MAN1B1: variants seen among roughly 807,000 people sequenced by gnomAD.
MAN1B1 encodes mannosidase alpha class 1B member 1, also known as endoplasmic reticulum mannosyl-oligosaccharide 1,2-alpha-mannosidase.
Under a neutral mutation model 75.5 loss-of-function variants are expected in MAN1B1, and 66 were observed. The observed-to-expected ratio is 0.87, with a 90% CI of 0.72 to 1.07. The LOEUF (loss-of-function observed/expected upper bound fraction) is 1.07, where lower values mean the gene tolerates loss of function less well. Ranked by LOEUF, MAN1B1 falls within the 50% of genes least tolerant of loss-of-function variation. MAN1B1 has a pLI of 0.00. For missense variants in MAN1B1, 973 were observed against 912.5 expected (o/e 1.07, Z -0.85); for synonymous variants, 453 against 382.8 (o/e 1.18, Z -2.14).
chr9:137,087,342 T>G, intron 1 of MAN1B1, 124 bp downstream of exon 1: 2 of 1,127,296 alleles, frequency 1.8e-6, no homozygotes, highest in Non-Finnish European at 2.5e-6. Context: ...TCTCCACCCC[T>G]TCCCCGCAAA....
intron 10 of MAN1B1, 192 bp from the exon 11 acceptor site, chr9:137,107,058 C>T (rs557678808): frequency 7.1e-5 from 54 of 758,972 alleles, no homozygotes; most frequent in Non-Finnish European, 9.4e-5. Flanking sequence ...GGTCCTCGGG[C>T]GGTGTGTGGG....
chr9:137,087,266 C>T lies in MAN1B1; in HGVS notation c.219+48C>T, dbSNP rs138707197. The T allele has an allele frequency of 5.9e-4, 900 of 1,538,434 alleles. 3 individuals carry two copies. The African/African-American group carries it at 0.011, about 19-fold the overall frequency. Reference sequence around the variant, plus strand: ...TGGGGCCCGGGGCTGCCGTGCCCGCCGCCCTCCCAGACTGCGGCTCCGAGC... The same window carrying T: ...TGGGGCCCGGGGCTGCCGTGCCCGCTGCCCTCCCAGACTGCGGCTCCGAGC... On this transcript the variant is annotated intron_variant, in intron 1 of 12. Coordinates refer to ENST00000371589, the MANE Select transcript of MAN1B1 (RefSeq NM_016219.5).
chr9:137,108,121 G>A (rs1831184409), intron 12 of MAN1B1: 4 of 610,838 alleles, frequency 6.5e-6, no homozygotes, highest in Admixed American at 2.9e-5. Flanking sequence ...TGTGCCCTGT[G>A]CCCTGTGCGG....
rs1830386274 is a variant in MAN1B1, at chr9:137,087,072, G to A, written c.73G>A (p.Gly25Ser). 2 of 1,603,294 alleles carry A rather than the reference G, an allele frequency of 1.2e-6. No homozygotes were observed. The highest frequency in any genetic ancestry group is 8.5e-7 in the Non-Finnish European group (1 of 1,176,604). Reference sequence around the variant, plus strand: ...GTCGGACTTCCTGACGCCGCCAGTGGGCGGGGCCCCTTGGGCCGTCGCCAC... The same window carrying A: ...GTCGGACTTCCTGACGCCGCCAGTGAGCGGGGCCCCTTGGGCCGTCGCCAC... ...SQSDFLTPPV[G>S]GAPWAVATTV... The change falls in exon 1 of 13, where the codon GGC (glycine) becomes AGC (serine). Residue 25 changes from glycine (G) to serine (S), a missense_variant. Physicochemically the swap from Gly to Ser is moderately conservative, Grantham distance 56 (BLOSUM62 0). Transcript: ENST00000371589.
rs768434319 is a variant in MAN1B1, at chr9:137,087,032, T to G, written c.33T>G (p.Ala11=). Residue 11 remains alanine (A), a synonymous_variant, in exon 1 of 13, where the codon GCT becomes GCG. Transcript: ENST00000371589. MAACEGRRSG[A]LGSSQSDFLT... ...CCTGCGAGGGCAGGAGAAGCGGAGC[T>G]CTCGGTTCCTCTCAGTCGGACTTCC... 1 of 1,602,436 alleles carries G rather than the reference T, an allele frequency of 6.2e-7. No homozygotes were observed. The highest frequency in any genetic ancestry group is 8.5e-7 in the Non-Finnish European group (1 of 1,176,430).
intron 3 of MAN1B1, chr9:137,094,577 T>C: frequency 6.3e-6 from 1 of 157,680 alleles, no homozygotes; most frequent in Non-Finnish European, 1.4e-5. Flanking sequence ...CCATCTCTAT[T>C]AAAAAAAAAA....
At chr9:137,097,480 A>C (rs1390034026) in intron 4 of MAN1B1, among the ~76,000 whole-genome samples, 1 of 152,104 alleles carries the variant, frequency 6.6e-6, no homozygotes, top group African/African-American at 2.4e-5. Context: ...TCTTGGGGCC[A>C]CCTCACTGTC....
chr9:137,099,373 A>C (rs1014448932), intron 5 of MAN1B1, among the ~76,000 whole-genome samples: 2 of 152,236 alleles, frequency 1.3e-5, no homozygotes, highest in African/African-American at 2.4e-5. Context: ...CTTTGGCCAG[A>C]GGCCACCGAG....
intron 10 of MAN1B1, 42 bp downstream of exon 10, chr9:137,106,851 C>T (rs764246061): frequency 6.2e-6 from 10 of 1,607,310 alleles, no homozygotes; most frequent in East Asian, 2.2e-5. Context: ...GCCCCTTTTA[C>T]CTTGGCTTCC....
At chr9:137,090,016 C>T (rs890030372) in intron 3 of MAN1B1, among the ~76,000 whole-genome samples, 2 of 151,874 alleles carry the variant, frequency 1.3e-5, no homozygotes, top group Non-Finnish European at 2.9e-5. Flanking sequence ...GAAGAAGGGG[C>T]CAGGCCTAGT....
intron 4 of MAN1B1, among the ~76,000 whole-genome samples, chr9:137,097,583 C>T (rs1830686825): frequency 6.6e-6 from 1 of 152,164 alleles, no homozygotes; most frequent in South Asian, 2.1e-4. Flanking sequence ...TCACGATTCT[C>T]CAAGCTCTGG....
chr9:137,105,622 C>A, intron 8 of MAN1B1: 1 of 319,732 alleles, frequency 3.1e-6, no homozygotes, highest in Non-Finnish European at 6.0e-6. Context: ...CCTGGTGCTG[C>A]CAGCTGGGCG....
chr9:137,103,529 T>C, intron 8 of MAN1B1: 1 of 450,360 alleles, frequency 2.2e-6, no homozygotes, highest in Admixed American at 2.4e-5. Flanking sequence ...CCGGTGGTGT[T>C]ACATTCACGC....
Position 137,087,054 on chromosome 9 carries a change from T to C in MAN1B1, c.55T>C (p.Phe19Leu), listed in dbSNP as rs138032749. The C allele has an allele frequency of 3.1e-6, 5 of 1,604,660 alleles. No homozygotes were observed. Among genetic ancestry groups the C allele is most frequent in the Non-Finnish European group, 4.2e-6 (5 of 1,177,258 alleles). ...AGCTCTCGGTTCCTCTCAGTCGGAC[T>C]TCCTGACGCCGCCAGTGGGCGGGGC... ...SGALGSSQSD[F>L]LTPPVGGAPW... Residue 19 changes from phenylalanine (F) to leucine (L), a missense_variant, in exon 1 of 13, where the codon TTC (phenylalanine) becomes CTC (leucine). Physicochemically the swap from Phe to Leu is conservative, Grantham distance 22. Coordinates refer to ENST00000371589, the MANE Select transcript of MAN1B1 (RefSeq NM_016219.5).
intron 4 of MAN1B1, among the ~76,000 whole-genome samples, chr9:137,097,171 C>T (rs1195544729): frequency 1.3e-5 from 2 of 152,202 alleles, no homozygotes; most frequent in Non-Finnish European, 2.9e-5. Context: ...AATGCAAGGA[C>T]GCTTTACTTC....
intron 2 of MAN1B1, chr9:137,088,603 C>G (rs1382850124): frequency 8.7e-6 from 6 of 687,194 alleles, no homozygotes; most frequent in Non-Finnish European, 1.4e-5. Context: ...GGGCTCCTGC[C>G]CACCTGCCAC....
intron 10 of MAN1B1, chr9:137,107,024 C>T (rs1831134810): frequency 5.4e-6 from 4 of 747,294 alleles, no homozygotes; most frequent in Non-Finnish European, 6.4e-6. Context: ...AGGGCAGCTC[C>T]CTCCCCGTGC....
Position 137,106,738 on chromosome 9 carries a change from C to G in MAN1B1, c.1495C>G (p.Leu499Val), listed in dbSNP as rs755131431. 3 of 1,613,532 alleles carry G rather than the reference C, an allele frequency of 1.9e-6. No homozygotes were observed. The highest frequency in any genetic ancestry group is 2.5e-6 in the Non-Finnish European group (3 of 1,179,992). ...EAIEGVRTHL[L>V]RHSEPSKLTF... ...CATCGAGGGTGTCAGAACGCACCTG[C>G]TGCGGCACTCCGAGCCCAGTAAGCT... The change falls in exon 10 of 13, where the codon CTG becomes GTG. Residue 499 changes from leucine to valine, a missense_variant. Physicochemically the swap from Leu to Val is conservative, Grantham distance 32 (BLOSUM62 1). Transcript: ENST00000371589.
intron 7 of MAN1B1, 82 bp downstream of exon 7, chr9:137,101,235 G>A (rs1414914992): frequency 6.5e-7 from 1 of 1,548,364 alleles, no homozygotes; most frequent in Non-Finnish European, 8.9e-7. Context: ...GTGGGGACGT[G>A]ACTGTCTTCC....
Sources: allele counts gnomAD v4.1 joint callset (sites outside exome capture counted in the v4.1 genomes callset), GRCh38; gene constraint gnomAD v4.1.1; transcripts MANE v1.5; gene names NCBI Gene and HGNC (gene_info 2026-07-23, HGNC 2026-07-21).